The following AP2A1 variants were observed in gnomAD, a reference collection of about 807,000 sequenced individuals.
AP2A1 encodes adaptor related protein complex 2 subunit alpha 1, also known as AP-2 complex subunit alpha-1.
In AP2A1, 21 loss-of-function variants were observed where a neutral mutation model predicts 107.3. That is an observed-to-expected ratio of 0.20 (90% CI 0.14 to 0.28). The LOEUF is 0.28. AP2A1 is among the 10% of genes least tolerant of loss of function. The pLI is 1.00. For synonymous variants in AP2A1, 602 were observed against 564.8 expected (o/e 1.07, Z -0.93); for missense variants, 873 against 1,307.7 (o/e 0.67, Z 5.13).
At chr19:49,795,936 C>T (rs1239893909) in intron 7 of AP2A1, among the ~76,000 whole-genome samples, 198 bp downstream of exon 7, 1 of 152,176 alleles carries the variant, frequency 6.6e-6, no homozygotes, top group East Asian at 1.9e-4. Flanking sequence ...CTACCCTGTG[C>T]AGCATCGTGG....
At chr19:49,796,099 C>A (rs532936650) in intron 7 of AP2A1, 1 of 261,132 alleles carries the variant, frequency 3.8e-6, no homozygotes, top group Non-Finnish European at 7.5e-6. Flanking sequence ...GTGGGTGATT[C>A]CAGGCCGTGC....
At position 49,799,317 on chromosome 19, in the gene AP2A1, C is replaced by T; in HGVS notation, c.966-10C>T. The T allele has an allele frequency of 1.2e-6, 2 of 1,608,168 alleles. No individual in the cohort carries two copies. The highest frequency in any genetic ancestry group is 1.1e-5 in the South Asian group (1 of 90,782). ...TCTCACCATCCCTCTCTTGTGGCCCCTGCTGGCAGTGAGCCCAACCTCCTG... is the reference window on the plus strand; with the variant it reads ...TCTCACCATCCCTCTCTTGTGGCCCTTGCTGGCAGTGAGCCCAACCTCCTG... On this transcript the variant is annotated splice_polypyrimidine_tract_variant and intron_variant, in intron 8 of 22. Coordinates refer to ENST00000354293, the MANE Select transcript of AP2A1 (RefSeq NM_130787.3).
At chr19:49,782,154 TCTGGACTCC>T in intron 3 of AP2A1, 65 bp downstream of exon 3, 1 of 639,984 alleles carries the variant, frequency 1.6e-6, no homozygotes, top group East Asian at 8.4e-5. Flanking sequence ...GGGCTGGAGG[TCTGGACTCC>T]TGGATCTGGG....
intron 5 of AP2A1, among the ~76,000 whole-genome samples, 168 bp from the exon 6 acceptor site, chr19:49,792,823 G>A (rs1437701543): frequency 4.6e-5 from 7 of 152,042 alleles, no homozygotes; most frequent in Non-Finnish European, 1.0e-4. Flanking sequence ...CCGAGGCCCC[G>A]TGGCCTCCTC....
intron 1 of AP2A1, among the ~76,000 whole-genome samples, chr19:49,769,718 AT>A (rs1232537230): frequency 6.6e-6 from 1 of 152,072 alleles, no homozygotes; most frequent in Non-Finnish European, 1.5e-5. Flanking sequence ...GATGTGACCG[AT>A]TGATGTTTTA....
chr19:49,794,707 G>C (rs76231443), intron 6 of AP2A1, among the ~76,000 whole-genome samples: 1 of 152,068 alleles, frequency 6.6e-6, no homozygotes, highest in African/African-American at 2.4e-5. Flanking sequence ...TTATTGCCCA[G>C]GCTGGAGTGC....
chr19:49,799,002 G>A (rs1473216101), intron 8 of AP2A1, 50 bp downstream of exon 8: 1 of 1,548,884 alleles, frequency 6.5e-7, no homozygotes, highest in Non-Finnish European at 8.7e-7. Context: ...AGGAAAGAGG[G>A]GCATGGAGGC....
At chr19:49,800,924 T>G (rs1381597142) in intron 11 of AP2A1, 37 bp from the exon 12 acceptor site, 2 of 1,537,020 alleles carry the variant, frequency 1.3e-6, no homozygotes, top group South Asian at 1.2e-5. Flanking sequence ...AGGGCGCTCA[T>G]TGTTGTCCTC....
At chr19:49,771,313 A>G (rs2084554677) in intron 1 of AP2A1, among the ~76,000 whole-genome samples, 1 of 150,536 alleles carries the variant, frequency 6.6e-6, no homozygotes, top group African/African-American at 2.5e-5. Context: ...TAAAAAAAAA[A>G]AAAAAAAAAA....
At chr19:49,793,845 G>A (rs1177053886) in intron 6 of AP2A1, among the ~76,000 whole-genome samples, 1 of 151,418 alleles carries the variant, frequency 6.6e-6, no homozygotes, top group African/African-American at 2.4e-5. Flanking sequence ...GAAGAGGCCT[G>A]GATTCGCAGG....
At chr19:49,786,103 G>A (rs976170697) in intron 4 of AP2A1, among the ~76,000 whole-genome samples, 10 of 151,968 alleles carry the variant, frequency 6.6e-5, no homozygotes, top group Admixed American at 2.6e-4. Context: ...CAAACAAAAA[G>A]CAAAATACAA....
rs1031001898 is a variant in AP2A1, at chr19:49,806,140, C to T, written c.2677C>T (p.Leu893Phe). ...KAKLLGFGSA[L>F]LDNVDPNPEN... ...CCAGCTTCTGGGGTTTGGCTCTGCT[C>T]TCCTGGACAATGTGGACCCCAACCC... is the stretch of plus-strand genomic sequence containing the variant. Residue 893 changes from leucine to phenylalanine, a missense_variant, in exon 22 of 23, where the codon CTC becomes TTC. Around this residue, in one of 4 missense-constraint regions of AP2A1, gnomAD observed 416 missense variants for 473.4 expected, o/e 0.88. Transcript: ENST00000354293. 6 of 1,570,742 alleles carry T rather than the reference C, an allele frequency of 3.8e-6. No individual in the cohort carries two copies. Among genetic ancestry groups the T allele is most frequent in the Admixed American group, 1.9e-5 (1 of 52,474 alleles).
chr19:49,796,046 G>A, intron 7 of AP2A1: 1 of 327,376 alleles, frequency 3.1e-6, no homozygotes, highest in Non-Finnish European at 5.8e-6. Context: ...GGAATCTGAG[G>A]CTTGGAGAGG....
intron 8 of AP2A1, 49 bp from the exon 9 acceptor site, chr19:49,799,277 TC>T (rs1568585787): frequency 6.3e-7 from 1 of 1,587,444 alleles, no homozygotes; most frequent in East Asian, 2.3e-5. Context: ...TCCTCCACCT[TC>T]TCCTGTCAGT....
rs2073097194 is a variant in AP2A1 at position 49,788,192 on chromosome 19, C to T, written c.474-3743C>T. ...GAACTCCTGAGCTCAAGTGATCCTCCGTGGCCTCAGCTTCCCAAAGTGCTG... is the reference window on the plus strand; with the variant it reads ...GAACTCCTGAGCTCAAGTGATCCTCTGTGGCCTCAGCTTCCCAAAGTGCTG... On this transcript the variant is annotated intron_variant, in intron 4 of 22. Transcript: ENST00000354293. This position sits in a 1 kb window ranked among gnomAD's most constrained non-coding sequence, Gnocchi z 4.5. Among the ~76,000 whole-genome samples, 1 of 151,862 alleles carries T rather than the reference C, an allele frequency of 6.6e-6. No individual in the cohort carries two copies. Among genetic ancestry groups the T allele is most frequent in the Non-Finnish European group, 1.5e-5 (1 of 67,930 alleles).
intron 1 of AP2A1, among the ~76,000 whole-genome samples, chr19:49,779,500 A>AAC (rs1568575609): frequency 6.6e-6 from 1 of 150,644 alleles, no homozygotes; most frequent in Admixed American, 6.6e-5. Flanking sequence ...AAAAAAAAAA[A>AAC]AAAAAAAAAA....
chr19:49,788,881 G>A lies in AP2A1; in HGVS notation c.474-3054G>A, dbSNP rs759979382. ...CAGTGAACGTTTCTGTAGGGTGAGCGTCTGGGGGCAGCACTGCTGGTCTTG... is the reference window on the plus strand; with the variant it reads ...CAGTGAACGTTTCTGTAGGGTGAGCATCTGGGGGCAGCACTGCTGGTCTTG... On this transcript the variant is annotated intron_variant, in intron 4 of 22. Transcript: ENST00000354293. The surrounding 1 kb of genome is among the most constrained non-coding windows in gnomAD (Gnocchi z 4.5). Among the ~76,000 whole-genome samples the A allele has an allele frequency of 2.0e-5, 3 of 152,200 alleles. No homozygotes were observed. Among genetic ancestry groups the A allele is most frequent in the Non-Finnish European group, 4.4e-5 (3 of 68,028 alleles).
chr19:49,776,475 C>T (rs905651440), intron 1 of AP2A1, among the ~76,000 whole-genome samples: 2 of 152,180 alleles, frequency 1.3e-5, no homozygotes, highest in African/African-American at 2.4e-5. Context: ...TGCCACTGTC[C>T]CTGTCTGCCA....
intron 4 of AP2A1, among the ~76,000 whole-genome samples, chr19:49,786,466 G>A (rs2084738418): frequency 6.6e-6 from 1 of 152,230 alleles, no homozygotes; most frequent in South Asian, 2.1e-4. Context: ...TGTTGTATCT[G>A]ACAGCATGGG....
Sources: allele counts gnomAD v4.1 joint callset (sites outside exome capture counted in the v4.1 genomes callset), GRCh38; gene constraint gnomAD v4.1.1; regional missense constraint gnomAD v4.1.1; non-coding constraint Gnocchi (gnomAD v3.1); transcripts MANE v1.5; gene names NCBI Gene and HGNC (gene_info 2026-07-23, HGNC 2026-07-21).